NTNG1: variants seen among roughly 807,000 people sequenced by gnomAD.
NTNG1 encodes netrin-G1.
A neutral mutation model predicts 54.0 loss-of-function variants in NTNG1; 16 were observed. The observed-to-expected ratio is 0.30, with a 90% CI of 0.20 to 0.45. The LOEUF (loss-of-function observed/expected upper bound fraction) is 0.45, where lower values mean the gene tolerates loss of function less well. Among genes scored for constraint, NTNG1 ranks in the 20% least tolerant of loss-of-function variants. The probability of loss-of-function intolerance (pLI) is 1.00; values close to 1 mark genes in which losing one functional copy is unlikely to be tolerated. For synonymous variants in NTNG1, 255 were observed against 263.1 expected (o/e 0.97, Z 0.30); for missense variants, 530 against 678.7 (o/e 0.78, Z 2.43).
chr1:107,448,485 T>G lies in NTNG1; in HGVS notation c.1390+11686T>G, dbSNP rs1376459391. Among the ~76,000 whole-genome samples the G allele has an allele frequency of 2.6e-5, 4 of 152,058 alleles. No individual in the cohort carries two copies. In the East Asian group the frequency reaches 7.7e-4, roughly 29 times the overall value. On this transcript the variant is annotated intron_variant, in intron 7 of 7. Coordinates refer to ENST00000370068, the MANE Select transcript of NTNG1 (RefSeq NM_001113226.3). Reference sequence around the variant, plus strand: ...GTATGATCAGCATCACTTGGGAATTTGTTGGAAATGCAGAATCATAGACCC... The same window carrying G: ...GTATGATCAGCATCACTTGGGAATTGGTTGGAAATGCAGAATCATAGACCC...
intron 3 of NTNG1, among the ~76,000 whole-genome samples, chr1:107,376,413 A>AG (rs1256802475): frequency 2.8e-4 from 2 of 7,160 alleles, no homozygotes; most frequent in African/African-American, 4.0e-4. Context: ...GTCTCAAAAC[A>AG]AAACAAAAAA....
intron 2 of NTNG1, among the ~76,000 whole-genome samples, chr1:107,233,400 A>G (rs1410884378): frequency 1.3e-5 from 2 of 152,230 alleles, no homozygotes; most frequent in Non-Finnish European, 2.9e-5. Context: ...AGATCACTCA[A>G]TGATATTCAA....
chr1:107,388,773 C>T (rs963879516), intron 3 of NTNG1, among the ~76,000 whole-genome samples: 27 of 152,112 alleles, frequency 1.8e-4, no homozygotes, highest in Non-Finnish European at 3.8e-4. Context: ...TGCACATCTC[C>T]CATTTCAAGT....
At chr1:107,385,456 T>C (rs1314719216) in intron 3 of NTNG1, among the ~76,000 whole-genome samples, 1 of 152,000 alleles carries the variant, frequency 6.6e-6, no homozygotes, top group Non-Finnish European at 1.5e-5. Flanking sequence ...GAGGAATGAG[T>C]TTCACAGACG....
intron 5 of NTNG1, among the ~76,000 whole-genome samples, chr1:107,412,112 T>TA (rs397796989): frequency 2.0e-5 from 3 of 151,812 alleles, no homozygotes; most frequent in South Asian, 2.1e-4. Context: ...TTTTTTTTTT[T>TA]AAGTGTGAGC....
intron 5 of NTNG1, among the ~76,000 whole-genome samples, chr1:107,410,744 T>C (rs1403499001): frequency 6.6e-6 from 1 of 152,178 alleles, no homozygotes; most frequent in African/African-American, 2.4e-5. Context: ...GTTGTCTTGG[T>C]GTGGGTGTTT....
At position 107,334,847 on chromosome 1, in the gene NTNG1, A is replaced by G. The variant is rs562219424; in HGVS notation, c.887+9925A>G. Among the ~76,000 whole-genome samples, 210 of 152,086 alleles carry G rather than the reference A, an allele frequency of 1.4e-3. 1 individual carries two copies. The highest frequency in any genetic ancestry group is 4.7e-3 in the African/African-American group (197 of 41,524). On this transcript the variant is annotated intron_variant, in intron 3 of 7. Transcript: ENST00000370068. ...GAGAATGATTGCAGAATATCCTTCT[A>G]AGCATCACGTAGAGGACCATTCTGA...
chr1:107,449,601 A>G (rs1244293266), intron 7 of NTNG1, among the ~76,000 whole-genome samples: 1 of 152,032 alleles, frequency 6.6e-6, no homozygotes, highest in Non-Finnish European at 1.5e-5. Flanking sequence ...CTAGATGGTC[A>G]GTGATTTCTG....
At chr1:107,205,702 T>C (rs1228387519) in intron 2 of NTNG1, among the ~76,000 whole-genome samples, 2 of 152,080 alleles carry the variant, frequency 1.3e-5, no homozygotes, top group Non-Finnish European at 2.9e-5. Flanking sequence ...CAATGAATTT[T>C]CACAAACTGA....
chr1:107,276,182 T>G (rs574756258), intron 2 of NTNG1, among the ~76,000 whole-genome samples: 2 of 152,226 alleles, frequency 1.3e-5, no homozygotes, highest in Non-Finnish European at 2.9e-5. Context: ...ATCTGATTCC[T>G]TACTAAGGAG....
chr1:107,172,756 C>T (rs559924403), intron 2 of NTNG1, among the ~76,000 whole-genome samples: 12 of 152,212 alleles, frequency 7.9e-5, no homozygotes, highest in African/African-American at 9.6e-5. Flanking sequence ...CCTTGTCCCA[C>T]GAGTCACTAG....
At chr1:107,390,153 C>T (rs2819987) in intron 3 of NTNG1, among the ~76,000 whole-genome samples, 146,599 of 152,258 alleles carry the variant, frequency 0.96, 70,808 homozygotes, top group East Asian at 1. Flanking sequence ...AAAGGAAGTG[C>T]CCTGGTGCCT....
intron 6 of NTNG1, among the ~76,000 whole-genome samples, chr1:107,435,679 G>GT (rs1675549985): frequency 6.6e-6 from 1 of 152,050 alleles, no homozygotes; most frequent in African/African-American, 2.4e-5. Flanking sequence ...GGATGGTATA[G>GT]TTTTATTTGG....
rs540476577 is a variant in NTNG1 at position 107,417,577 on chromosome 1, A to G, written c.1087+9869A>G. Among the ~76,000 whole-genome samples the G allele has an allele frequency of 6.6e-5, 10 of 152,202 alleles. No homozygotes were observed. In the East Asian group the frequency reaches 1.9e-3, roughly 29 times the overall value. On this transcript the variant is annotated intron_variant, in intron 5 of 7. Coordinates refer to ENST00000370068, the MANE Select transcript of NTNG1 (RefSeq NM_001113226.3). ...TCGACCTATACAATTTTAACTGGCA[A>G]TATTAAAACTCATGCCTGTCCACAT...
chr1:107,221,400 A>G (rs1281993590), intron 2 of NTNG1, among the ~76,000 whole-genome samples: 1 of 152,180 alleles, frequency 6.6e-6, no homozygotes, highest in Non-Finnish European at 1.5e-5. Context: ...CCTAACAAAG[A>G]CAGGTTAAGT....
chr1:107,364,060 T>A lies in NTNG1; in HGVS notation c.888-31094T>A, dbSNP rs894144570. 7.9e-5 allele frequency among the ~76,000 whole-genome samples: 12 copies of A among 152,338 alleles called. No individual in the cohort carries two copies. The Middle Eastern group carries it at 0.014, about 173-fold the overall frequency. Reference sequence around the variant, plus strand: ...ACTAAGAAGAATGTATAAGTATTTCTTGGGTAAACTGCTTACACTTATTTT... The same window carrying A: ...ACTAAGAAGAATGTATAAGTATTTCATGGGTAAACTGCTTACACTTATTTT... On this transcript the variant is annotated intron_variant, in intron 3 of 7. Transcript: ENST00000370068.
At chr1:107,175,881 T>C (rs939019740) in intron 2 of NTNG1, among the ~76,000 whole-genome samples, 1 of 152,292 alleles carries the variant, frequency 6.6e-6, no homozygotes, top group African/African-American at 2.4e-5. Flanking sequence ...CATAACTTTG[T>C]CAGTTGATTA....
chr1:107,141,720 C>T (rs961463077), intron 1 of NTNG1, among the ~76,000 whole-genome samples: 24 of 152,110 alleles, frequency 1.6e-4, no homozygotes, highest in Non-Finnish European at 5.9e-5. Context: ...GGTGATGCGT[C>T]CTCTTGTTGT....
intron 2 of NTNG1, among the ~76,000 whole-genome samples, chr1:107,279,574 A>G (rs1448904640): frequency 6.6e-6 from 1 of 152,152 alleles, no homozygotes; most frequent in Non-Finnish European, 1.5e-5. Context: ...AGAATGGCCT[A>G]ATTATTTCTT....
Sources: gnomAD v4.1 joint callset for allele counts (sites outside exome capture counted in the v4.1 genomes callset) on GRCh38, gnomAD v4.1.1 for gene constraint, MANE v1.5 for transcripts, NCBI Gene and HGNC (gene_info 2026-07-23, HGNC 2026-07-21) for gene names.